POU2F1: variants seen among roughly 807,000 people sequenced by gnomAD.
The protein encoded by POU2F1 is POU domain, class 2, transcription factor 1.
Under a neutral mutation model 84.9 loss-of-function variants are expected in POU2F1, and 16 were observed. The observed-to-expected ratio is 0.19, with a 90% CI of 0.13 to 0.29. The LOEUF is 0.29. Ranked by LOEUF, POU2F1 falls within the 10% of genes least tolerant of loss-of-function variation. The pLI is 1.00. For missense variants in POU2F1, 738 were observed against 942.6 expected (o/e 0.78, Z 2.84); for synonymous variants, 368 against 368.3 (o/e 1.00, Z 0.01).
chr1:167,305,673 A>G (rs1432979601), intron 1 of POU2F1, among the ~76,000 whole-genome samples: 1 of 152,202 alleles, frequency 6.6e-6, no homozygotes, highest in African/African-American at 2.4e-5. Context: ...TTGGGCAGTC[A>G]TATTTAGGAC....
At chr1:167,294,844 C>T (rs1054116856) in intron 1 of POU2F1, among the ~76,000 whole-genome samples, 2 of 152,054 alleles carry the variant, frequency 1.3e-5, no homozygotes, top group African/African-American at 4.8e-5. Flanking sequence ...AAAGAAGTAA[C>T]AGTAGAAGGC....
intron 1 of POU2F1, among the ~76,000 whole-genome samples, chr1:167,315,176 G>C (rs1313900510): frequency 6.6e-6 from 1 of 152,048 alleles, no homozygotes; most frequent in East Asian, 1.9e-4. Context: ...CCAGCCTCAG[G>C]CATTTCTTTA....
At chr1:167,410,524 A>AT (rs1461671625) in intron 13 of POU2F1, among the ~76,000 whole-genome samples, 11 of 131,728 alleles carry the variant, frequency 8.4e-5, no homozygotes, top group East Asian at 1.9e-4. Context: ...TATTATTATT[A>AT]TTATTATTTT....
At chr1:167,223,861 C>T (rs1038791543) in intron 1 of POU2F1, among the ~76,000 whole-genome samples, 3 of 152,084 alleles carry the variant, frequency 2.0e-5, no homozygotes, top group Admixed American at 2.0e-4. Context: ...TTTTTGCACC[C>T]GATTCCCAAG....
chr1:167,384,150 AT>A (rs1647784467), intron 8 of POU2F1, among the ~76,000 whole-genome samples, 199 bp downstream of exon 8: 2 of 152,164 alleles, frequency 1.3e-5, no homozygotes, highest in Non-Finnish European at 2.9e-5. Flanking sequence ...CCTGTTTCTT[AT>A]ATGTTCTTAA....
chr1:167,413,066 G>T lies in POU2F1; in HGVS notation c.1942G>T (p.Ala648Ser). The change falls in exon 15 of 16, where the codon GCT becomes TCT. Residue 648 changes from alanine to serine, a missense_variant. Around this residue, in one of 4 missense-constraint regions of POU2F1, gnomAD observed 319 missense variants for 386.0 expected, o/e 0.83. Coordinates refer to ENST00000367866, the MANE Select transcript of POU2F1 (RefSeq NM_002697.4). The part of the protein sequence containing the change: ...LSLNPGTLSG[A>S]LSPALMSNST... ...TCTGAATCCAGGGACCCTGAGCGGT[G>T]CTCTCAGCCCAGCTCTAATGAGCAA... is the stretch of plus-strand genomic sequence containing the variant. The T allele has an allele frequency of 1.2e-6, 2 of 1,614,140 alleles. No individual in the cohort carries two copies. Among genetic ancestry groups the T allele is most frequent in the East Asian group, 4.5e-5 (2 of 44,886 alleles).
chr1:167,297,383 C>G (rs1036684325), intron 1 of POU2F1, among the ~76,000 whole-genome samples: 1 of 152,162 alleles, frequency 6.6e-6, no homozygotes, highest in Non-Finnish European at 1.5e-5. Flanking sequence ...TAGGGCAGGG[C>G]TGTGTTTGGA....
chr1:167,278,782 A>G (rs533921862), intron 1 of POU2F1, among the ~76,000 whole-genome samples: 117 of 108,800 alleles, frequency 1.1e-3, no homozygotes, highest in African/African-American at 2.9e-3. Flanking sequence ...TTAATTGGCT[A>G]TCCCCTTCAT....
At chr1:167,317,609 A>G (rs1360987562) in intron 1 of POU2F1, among the ~76,000 whole-genome samples, 1 of 152,256 alleles carries the variant, frequency 6.6e-6, no homozygotes, top group African/African-American at 2.4e-5. Flanking sequence ...AGTTATCTGC[A>G]GCAGGAACAT....
chr1:167,312,602 A>G (rs1345634421), intron 1 of POU2F1, among the ~76,000 whole-genome samples: 1 of 152,134 alleles, frequency 6.6e-6, no homozygotes, highest in Non-Finnish European at 1.5e-5. Flanking sequence ...TTAACTTATT[A>G]TTCAAGAAAG....
intron 1 of POU2F1, among the ~76,000 whole-genome samples, chr1:167,259,398 G>T (rs1177897267): frequency 1.3e-5 from 2 of 152,152 alleles, no homozygotes; most frequent in Non-Finnish European, 2.9e-5. Context: ...ACCATCTACC[G>T]CAATTCAGTT....
At chr1:167,370,994 T>C (rs1236521607) in intron 4 of POU2F1, among the ~76,000 whole-genome samples, 1 of 152,200 alleles carries the variant, frequency 6.6e-6, no homozygotes, top group African/African-American at 2.4e-5. Context: ...GACAGTATTA[T>C]GGAAGATTGA....
At chr1:167,228,956 G>C (rs1485358166) in intron 1 of POU2F1, among the ~76,000 whole-genome samples, 1 of 151,976 alleles carries the variant, frequency 6.6e-6, no homozygotes, top group Admixed American at 6.5e-5. Context: ...TTTTATAGTC[G>C]AGTAAAATAA....
At chr1:167,311,541 T>TA (rs1290199939) in intron 1 of POU2F1, among the ~76,000 whole-genome samples, 10 of 152,142 alleles carry the variant, frequency 6.6e-5, no homozygotes, top group Non-Finnish European at 1.5e-5. Flanking sequence ...GGACAGTGTA[T>TA]ATAACCGAGA....
At chr1:167,222,149 C>G (rs370454844) in intron 1 of POU2F1, among the ~76,000 whole-genome samples, 7 of 152,176 alleles carry the variant, frequency 4.6e-5, no homozygotes, top group Non-Finnish European at 8.8e-5. Flanking sequence ...AAGGGCTGCC[C>G]TCCTGCCCCA....
Position 167,414,615 on chromosome 1 carries a change from T to C in POU2F1, c.1991-885T>C, listed in dbSNP as rs73028214. 0.02 allele frequency: 19,639 copies of C among 985,274 alleles called. 2,549 individuals are homozygous for C. In the African/African-American group the frequency reaches 0.3, roughly 15 times the overall value. The allele number at this position is 985,274 out of a possible 1,614,324, so 61.0% of individuals were successfully genotyped here. ...TCGATTATTTTAAATAAAATGTTGATGATGCCTTCTTTGGGGAAGCAACAG... is the reference window on the plus strand; with the variant it reads ...TCGATTATTTTAAATAAAATGTTGACGATGCCTTCTTTGGGGAAGCAACAG... On this transcript the variant is annotated intron_variant, in intron 15 of 15. Coordinates refer to ENST00000367866, the MANE Select transcript of POU2F1 (RefSeq NM_002697.4).
Position 167,409,090 on chromosome 1 carries a change from C to A in POU2F1, c.1556-2869C>A, listed in dbSNP as rs147628506. Among the ~76,000 whole-genome samples, 4 of 152,268 alleles carry A rather than the reference C, an allele frequency of 2.6e-5. No homozygotes were observed. The East Asian group carries it at 7.7e-4, about 29-fold the overall frequency. ...ATGGATCATTCTCTTGGTGCTGTGT[C>A]TGTGAACTCTTTGCTTAACCCAGGG... On this transcript the variant is annotated intron_variant, in intron 13 of 15. Transcript: ENST00000367866.
chr1:167,354,448 C>T (rs73024251), intron 2 of POU2F1, among the ~76,000 whole-genome samples: 3,014 of 152,208 alleles, frequency 0.02, 95 homozygotes, highest in African/African-American at 0.068. Flanking sequence ...CCCTCCACCA[C>T]GCTCAGCTGA....
chr1:167,229,194 C>T (rs529028179), intron 1 of POU2F1, among the ~76,000 whole-genome samples: 16 of 150,750 alleles, frequency 1.1e-4, no homozygotes, highest in African/African-American at 3.9e-4. Context: ...TTGTTATGGA[C>T]AGTGCCATGA....
Sources: gnomAD v4.1 joint callset for allele counts (sites outside exome capture counted in the v4.1 genomes callset) on GRCh38, gnomAD v4.1.1 for gene constraint, gnomAD v4.1.1 regional missense constraint, MANE v1.5 for transcripts, NCBI Gene and HGNC (gene_info 2026-07-23, HGNC 2026-07-21) for gene names.